PLPPR2: variants seen among roughly 807,000 people sequenced by gnomAD.
PLPPR2 encodes phospholipid phosphatase related 2, also known as phospholipid phosphatase-related protein type 2.
PLPPR2 carries 11 observed loss-of-function variants against 40.3 expected under a neutral mutation model. That is an observed-to-expected ratio of 0.27 (90% CI 0.17 to 0.45). The LOEUF (loss-of-function observed/expected upper bound fraction) is 0.45. PLPPR2 is among the 20% of genes least tolerant of loss of function. The pLI, the probability that PLPPR2 is intolerant of heterozygous loss-of-function variation, is 1.00. For synonymous variants in PLPPR2, 260 were observed against 290.8 expected, an observed-to-expected ratio of 0.89 and a Z score of 1.08; for missense variants, 497 against 640.7, an observed-to-expected ratio of 0.78 and a Z score of 2.42.
chr19:11,360,587 G>A (rs1438040937), intron 5 of PLPPR2, among the ~76,000 whole-genome samples: 1 of 152,050 alleles, frequency 6.6e-6, no homozygotes, highest in Non-Finnish European at 1.5e-5. Context: ...GGCAACTGTC[G>A]GAAGAGGGTC....
At position 11,359,719 on chromosome 19, in the gene PLPPR2, C is replaced by T. The variant is rs762598119; in HGVS notation, c.254C>T (p.Thr85Met). 4.4e-6 allele frequency: 7 copies of T among 1,586,592 alleles called. No individual in the cohort carries two copies. In the South Asian group the frequency reaches 5.7e-5, roughly 13 times the overall value. ...CTGGTCACTGCCGGGCCCACCCTCA[C>T]GGTGAGACAATGAAGACCTCCTAGG... ...YALVTAGPTL[T>M]ILLGELARAF... The change falls in exon 4 of 10, where the codon ACG (threonine) becomes ATG (methionine). Residue 85 changes from threonine (T) to methionine (M), a missense_variant and splice_region_variant. Physicochemically the swap from Thr to Met is moderately conservative, Grantham distance 81. Transcript: ENST00000688289. The surrounding 1 kb of genome is among the most constrained non-coding windows in gnomAD (Gnocchi z 5.6).
chr19:11,364,918 T>G lies in PLPPR2; in HGVS notation c.*228T>G. ...GCACTTGCCCCTACTATTGCCCTTTTAAGGGCCAAAGCTTGACCCCATTGG... is the reference window on the plus strand; with the variant it reads ...GCACTTGCCCCTACTATTGCCCTTTGAAGGGCCAAAGCTTGACCCCATTGG... On this transcript the variant is annotated 3_prime_UTR_variant, in exon 10 of 10. Coordinates refer to ENST00000688289, the MANE Select transcript of PLPPR2 (RefSeq NM_001393892.1). This position sits in a 1 kb window ranked among gnomAD's most constrained non-coding sequence, Gnocchi z 5.8. 1.7e-6 allele frequency: 1 copy of G among 591,208 alleles called. No homozygotes were observed. Among genetic ancestry groups the G allele is most frequent in the Non-Finnish European group, 2.9e-6 (1 of 339,826 alleles). The allele number at this position is 591,208 out of a possible 1,614,324, so 36.6% of individuals were successfully genotyped here.
Position 11,361,218 on chromosome 19 carries a change from G to T in PLPPR2, c.393G>T (p.Gly131=). The T allele has an allele frequency of 6.2e-7, 1 of 1,606,852 alleles. No individual in the cohort carries two copies. The highest frequency in any genetic ancestry group is 8.5e-7 in the Non-Finnish European group (1 of 1,178,612). The change falls in exon 6 of 10, where the codon GGG becomes GGT. Residue 131 remains glycine, a splice_region_variant and synonymous_variant. Transcript: ENST00000688289. This position sits in a 1 kb window ranked among gnomAD's most constrained non-coding sequence, Gnocchi z 6.3. The stretch of plus-strand genomic sequence containing the variant: ...CCCCTTCCACTATCCCACCCCTAGG[G>T]GTCTACTCCTTCGGCCTCTTCACCA... The part of the protein sequence containing the change: ...PPVRRLVRFL[G]VYSFGLFTTT...
chr19:11,362,815 C>A lies in PLPPR2; in HGVS notation c.840+126C>A. The A allele has an allele frequency of 2.9e-6, 3 of 1,048,824 alleles. No individual in the cohort carries two copies. The highest frequency in any genetic ancestry group is 4.0e-6 in the Non-Finnish European group (3 of 741,856). 65.0% of individuals were successfully genotyped at this position (1,048,824 alleles called of 1,614,324 possible). On this transcript the variant is annotated intron_variant, in intron 7 of 9. Transcript: ENST00000688289. This position sits in a 1 kb window ranked among gnomAD's most constrained non-coding sequence, Gnocchi z 5.3. ...ACCTTGGGCCAATCCCTTAACATTACCCTTCCTGGATATTCTCATCTGTGA... is the reference window on the plus strand; with the variant it reads ...ACCTTGGGCCAATCCCTTAACATTAACCTTCCTGGATATTCTCATCTGTGA...
At chr19:11,357,523 CAG>C in intron 2 of PLPPR2, 135 bp from the exon 3 acceptor site, 2 of 552,084 alleles carry the variant, frequency 3.6e-6, no homozygotes, top group Admixed American at 7.0e-5. Flanking sequence ...GTTCAAGGGA[CAG>C]AGTCAGGGCC....
chr19:11,364,696 G>T lies in PLPPR2; in HGVS notation c.*6G>T. The T allele has an allele frequency of 6.5e-7, 1 of 1,536,822 alleles. No homozygotes were observed. The highest frequency in any genetic ancestry group is 1.4e-5 in the African/African-American group (1 of 73,052). ...GCCGTGACCACCTGCTGTGAGGCCCGACCACCCACCCAGAATCTGCCCAGT... is the reference window on the plus strand; with the variant it reads ...GCCGTGACCACCTGCTGTGAGGCCCTACCACCCACCCAGAATCTGCCCAGT... On this transcript the variant is annotated 3_prime_UTR_variant, in exon 10 of 10. Transcript: ENST00000688289. The surrounding 1 kb of genome is among the most constrained non-coding windows in gnomAD (Gnocchi z 5.8).
chr19:11,361,542 C>G lies in PLPPR2; in HGVS notation c.663+54C>G. 6.5e-7 allele frequency: 1 copy of G among 1,543,860 alleles called. No individual in the cohort carries two copies. The highest frequency in any genetic ancestry group is 2.3e-5 in the East Asian group (1 of 44,320). Reference sequence around the variant, plus strand: ...ATGGGTGTGCAGGCTGGACAGCGACCAGCAGCTAGGAAGCCGCCAGGGTTG... The same window carrying G: ...ATGGGTGTGCAGGCTGGACAGCGACGAGCAGCTAGGAAGCCGCCAGGGTTG... On this transcript the variant is annotated intron_variant, in intron 6 of 9. Coordinates refer to ENST00000688289, the MANE Select transcript of PLPPR2 (RefSeq NM_001393892.1). This position sits in a 1 kb window ranked among gnomAD's most constrained non-coding sequence, Gnocchi z 6.3.
chr19:11,361,281 C>T lies in PLPPR2; in HGVS notation c.456C>T (p.Gly152=). The change falls in exon 6 of 10, where the codon GGC becomes GGT. Residue 152 remains glycine (G), a synonymous_variant. Transcript: ENST00000688289. This position sits in a 1 kb window ranked among gnomAD's most constrained non-coding sequence, Gnocchi z 6.3. ...CCAACGCGGGGCAGGTGGTGACCGG[C>T]AATCCCACGCCACACTTCCTGTCCG... ...IFANAGQVVT[G]NPTPHFLSVC... The T allele has an allele frequency of 6.2e-7, 1 of 1,613,622 alleles. No individual in the cohort carries two copies. Among genetic ancestry groups the T allele is most frequent in the South Asian group, 1.1e-5 (1 of 91,080 alleles).
chr19:11,363,814 C>T lies in PLPPR2; in HGVS notation c.942C>T (p.Leu314=), dbSNP rs200197542. Residue 314 remains leucine, a synonymous_variant, in exon 8 of 10, where the codon CTC becomes CTT. Transcript: ENST00000688289. This position sits in a 1 kb window ranked among gnomAD's most constrained non-coding sequence, Gnocchi z 4.8. ...LGQAPTMDSP[L]EKLSVAQEPE... is the part of the protein sequence containing the mutation. ...AAGCCCCCACCATGGATAGCCCCCT[C>T]GAAAAGTTAAGTGTGGCGCAGGTAA... 6.2e-7 allele frequency: 1 copy of T among 1,614,038 alleles called. No homozygotes were observed. Among genetic ancestry groups the T allele is most frequent in the Admixed American group, 1.7e-5 (1 of 59,998 alleles).
rs1968109654 is a variant in PLPPR2, at chr19:11,363,587, A to G, written c.841-126A>G. On this transcript the variant is annotated intron_variant, in intron 7 of 9. Coordinates refer to ENST00000688289, the MANE Select transcript of PLPPR2 (RefSeq NM_001393892.1). The surrounding 1 kb of genome is among the most constrained non-coding windows in gnomAD (Gnocchi z 4.8). ...ATGGAACCAACAGTGCCTGGCACAT[A>G]CTATGCATTAGCTGTTTTTGAAAAC... 9.1e-7 allele frequency: 1 copy of G among 1,099,658 alleles called. No individual in the cohort carries two copies. Among genetic ancestry groups the G allele is most frequent in the Non-Finnish European group, 1.3e-6 (1 of 798,156 alleles). 68.1% of individuals were successfully genotyped at this position (1,099,658 alleles called of 1,614,324 possible). A position where few individuals can be genotyped will look rare whatever the true frequency, so the allele number is the denominator to read the frequency against.
In PLPPR2 at chr19:11,359,936, G is replaced by A; in HGVS notation, c.371G>A (p.Arg124Gln). The part of the protein sequence containing the change: ...GACCRFSPPV[R>Q]RLVRFLGVYS... ...TGCTGCCGCTTCAGCCCCCCAGTGC[G>A]GAGGCTGGTCCGCTTCCTGGGTGAG... Residue 124 changes from arginine (R) to glutamine (Q), a missense_variant, in exon 5 of 10, where the codon CGG (arginine) becomes CAG (glutamine). Coordinates refer to ENST00000688289, the MANE Select transcript of PLPPR2 (RefSeq NM_001393892.1). This position sits in a 1 kb window ranked among gnomAD's most constrained non-coding sequence, Gnocchi z 5.6. 3 of 1,609,504 alleles carry A rather than the reference G, an allele frequency of 1.9e-6. No homozygotes were observed. The highest frequency in any genetic ancestry group is 2.5e-6 in the Non-Finnish European group (3 of 1,177,522).
In PLPPR2 at chr19:11,365,356, T is replaced by C. The variant is rs1968163306; in HGVS notation, c.*666T>C. On this transcript the variant is annotated 3_prime_UTR_variant, in exon 10 of 10. Coordinates refer to ENST00000688289, the MANE Select transcript of PLPPR2 (RefSeq NM_001393892.1). ...ACCCACTCTCTCCTAATCCCCTACT[T>C]AAGTAGGGCTTGCCCCACTTCAGAG... 3 of 153,192 alleles carry C rather than the reference T, an allele frequency of 2.0e-5. No individual in the cohort carries two copies. The allele number at this position is 153,192 out of a possible 1,614,324, so 9.5% of individuals were successfully genotyped here. A position where few individuals can be genotyped will look rare whatever the true frequency, so the allele number is the denominator to read the frequency against.
At position 11,362,320 on chromosome 19, in the gene PLPPR2, C is replaced by A. The variant is rs1382498763; in HGVS notation, c.664-193C>A. 1.0e-4 allele frequency: 21 copies of A among 204,774 alleles called. 1 individual carries two copies. Among genetic ancestry groups the A allele is most frequent in the East Asian group, 6.8e-4 (8 of 11,724 alleles). 12.7% of individuals were successfully genotyped at this position (204,774 alleles called of 1,614,324 possible). ...GAGACTCCAAGACCTCAATCCCTGA[C>A]CCCCCCCCCTTTGCCTTTTTGGTCA... On this transcript the variant is annotated intron_variant, in intron 6 of 9. Transcript: ENST00000688289. The surrounding 1 kb of genome is among the most constrained non-coding windows in gnomAD (Gnocchi z 5.3).
intron 3 of PLPPR2, among the ~76,000 whole-genome samples, 178 bp downstream of exon 3, chr19:11,357,917 C>T (rs1967934200): frequency 6.6e-6 from 1 of 152,158 alleles, no homozygotes; most frequent in South Asian, 2.1e-4. Context: ...TCCAATCCCT[C>T]TCTGCCCCAT....
Position 11,364,006 on chromosome 19 carries a change from G to A in PLPPR2, c.964-155G>A. 7.5e-7 allele frequency: 1 copy of A among 1,332,772 alleles called. No homozygotes were observed. Among genetic ancestry groups the A allele is most frequent in the Admixed American group, 2.4e-5 (1 of 42,048 alleles). 82.6% of individuals were successfully genotyped at this position (1,332,772 alleles called of 1,614,324 possible). On this transcript the variant is annotated intron_variant, in intron 8 of 9. Transcript: ENST00000688289. This position sits in a 1 kb window ranked among gnomAD's most constrained non-coding sequence, Gnocchi z 5.8. ...GGGCGGACAGCCCCAAAGAATGAAA[G>A]GGAGCACCCCCGTCTTCTTCCCAGG...
In PLPPR2 at chr19:11,362,815, C is replaced by T. The variant is rs1014744512; in HGVS notation, c.840+126C>T. ...ACCTTGGGCCAATCCCTTAACATTA[C>T]CCTTCCTGGATATTCTCATCTGTGA... On this transcript the variant is annotated intron_variant, in intron 7 of 9. Transcript: ENST00000688289. This position sits in a 1 kb window ranked among gnomAD's most constrained non-coding sequence, Gnocchi z 5.3. 7 of 1,048,710 alleles carry T rather than the reference C, an allele frequency of 6.7e-6. No individual in the cohort carries two copies. The highest frequency in any genetic ancestry group is 6.4e-5 in the African/African-American group (4 of 62,724). 65.0% of individuals were successfully genotyped at this position (1,048,710 alleles called of 1,614,324 possible). A position where few individuals can be genotyped will look rare whatever the true frequency, so the allele number is the denominator to read the frequency against.
chr19:11,363,955 C>G lies in PLPPR2; in HGVS notation c.963+120C>G, dbSNP rs1968120640. 1 of 1,365,634 alleles carries G rather than the reference C, an allele frequency of 7.3e-7. No homozygotes were observed. 84.6% of individuals were successfully genotyped at this position (1,365,634 alleles called of 1,614,324 possible). A position where few individuals can be genotyped will look rare whatever the true frequency, so the allele number is the denominator to read the frequency against. On this transcript the variant is annotated intron_variant, in intron 8 of 9. Transcript: ENST00000688289. The surrounding 1 kb of genome is among the most constrained non-coding windows in gnomAD (Gnocchi z 4.8). ...CAGAACCATGGGGAAGTGGAGGGAT[C>G]ACCCATCTCTGTGGACATAGGTCCT...
chr19:11,363,710 C>A lies in PLPPR2; in HGVS notation c.841-3C>A. The stretch of plus-strand genomic sequence containing the variant: ...TCAACACTCTCCTCTCCCTCTATTC[C>A]AGGTCACCTGCGTTGTGCATAACTT... On this transcript the variant is annotated splice_region_variant and splice_polypyrimidine_tract_variant and intron_variant, in intron 7 of 9. Coordinates refer to ENST00000688289, the MANE Select transcript of PLPPR2 (RefSeq NM_001393892.1). This position sits in a 1 kb window ranked among gnomAD's most constrained non-coding sequence, Gnocchi z 4.8. 6.2e-7 allele frequency: 1 copy of A among 1,612,432 alleles called. No homozygotes were observed. Among genetic ancestry groups the A allele is most frequent in the Non-Finnish European group, 8.5e-7 (1 of 1,178,802 alleles).
rs566404861 is a variant in PLPPR2, at chr19:11,361,800, G to A, written c.663+312G>A. Among the ~76,000 whole-genome samples the A allele has an allele frequency of 1.3e-5, 2 of 152,108 alleles. No homozygotes were observed. The highest frequency in any genetic ancestry group is 4.2e-4 in the South Asian group (2 of 4,818). On this transcript the variant is annotated intron_variant, in intron 6 of 9. Coordinates refer to ENST00000688289, the MANE Select transcript of PLPPR2 (RefSeq NM_001393892.1). The surrounding 1 kb of genome is among the most constrained non-coding windows in gnomAD (Gnocchi z 6.3). ...GGACAGTCCCTGATGTGCAAGACTCGGAACCCCTATAGCCTAGCCAGGCCC... is the reference window on the plus strand; with the variant it reads ...GGACAGTCCCTGATGTGCAAGACTCAGAACCCCTATAGCCTAGCCAGGCCC...
Sources: gnomAD v4.1 joint callset for allele counts (sites outside exome capture counted in the v4.1 genomes callset) on GRCh38, gnomAD v4.1.1 for gene constraint, Gnocchi (gnomAD v3.1) non-coding constraint, MANE v1.5 for transcripts, NCBI Gene and HGNC (gene_info 2026-07-23, HGNC 2026-07-21) for gene names.